The following TNFSF12 variants were observed in gnomAD, a reference collection of about 807,000 sequenced individuals.
TNFSF12 encodes the protein tumor necrosis factor ligand superfamily member 12.
A neutral mutation model predicts 31.2 loss-of-function variants in TNFSF12; 16 were observed. That is an observed-to-expected ratio of 0.51 (90% CI 0.35 to 0.78). The LOEUF (loss-of-function observed/expected upper bound fraction) is 0.78. TNFSF12 is among the 30% of genes least tolerant of loss of function. The pLI is 0.01. For synonymous variants in TNFSF12, 150 were observed against 151.4 expected, an observed-to-expected ratio of 0.99 and a Z score of 0.07; for missense variants, 324 against 338.8, an observed-to-expected ratio of 0.96 and a Z score of 0.34.
chr17:7,549,341 G>A lies in TNFSF12; in HGVS notation c.159+29G>A. The A allele has an allele frequency of 1.4e-6, 2 of 1,410,310 alleles. No homozygotes were observed. Among genetic ancestry groups the A allele is most frequent in the Admixed American group, 3.0e-5 (1 of 33,760 alleles). The allele number at this position is 1,410,310 out of a possible 1,614,324, so 87.4% of individuals were successfully genotyped here. On this transcript the variant is annotated intron_variant, in intron 1 of 6. Coordinates refer to ENST00000293825, the MANE Select transcript of TNFSF12 (RefSeq NM_003809.3). The surrounding 1 kb of genome is among the most constrained non-coding windows in gnomAD (Gnocchi z 4.1). ...AGGCCCCGCTGCGCACCCCTTCTTG[G>A]GCACATCAGGAGCTGAGACTGCAGA...
chr17:7,549,605 C>G lies in TNFSF12; in HGVS notation c.207+84C>G. 1 of 1,444,390 alleles carries G rather than the reference C, an allele frequency of 6.9e-7. No individual in the cohort carries two copies. Among genetic ancestry groups the G allele is most frequent in the Non-Finnish European group, 9.2e-7 (1 of 1,091,562 alleles). 89.5% of individuals were successfully genotyped at this position (1,444,390 alleles called of 1,614,324 possible). On this transcript the variant is annotated intron_variant, in intron 2 of 6. Coordinates refer to ENST00000293825, the MANE Select transcript of TNFSF12 (RefSeq NM_003809.3). The surrounding 1 kb of genome is among the most constrained non-coding windows in gnomAD (Gnocchi z 4.1). ...AGGCTGCAGGTGTGTGCAGCTGTGC[C>G]AGCCGTACTCGAGGTGTGTGCAGGG... is the stretch of plus-strand genomic sequence containing the variant.
chr17:7,553,211 G>A (rs2071022041), intron 5 of TNFSF12, among the ~76,000 whole-genome samples: 1 of 151,748 alleles, frequency 6.6e-6, no homozygotes, highest in Non-Finnish European at 1.5e-5. Flanking sequence ...CACCACGCCT[G>A]GCTAATTTTG....
intron 5 of TNFSF12, among the ~76,000 whole-genome samples, chr17:7,556,111 G>A (rs1355872165): frequency 6.6e-6 from 1 of 151,472 alleles, no homozygotes; most frequent in Non-Finnish European, 1.5e-5. Context: ...CTCCCATGTA[G>A]CTAGGATTAC....
intron 5 of TNFSF12, among the ~76,000 whole-genome samples, chr17:7,554,035 G>A (rs4968210): frequency 0.45 from 68,574 of 151,912 alleles, 15,848 homozygotes; most frequent in Middle Eastern, 0.63. Context: ...CTGGAGACAA[G>A]TGATATACCA....
chr17:7,551,400 C>G (rs1298345266), intron 5 of TNFSF12, among the ~76,000 whole-genome samples: 3 of 152,090 alleles, frequency 2.0e-5, no homozygotes, highest in African/African-American at 7.2e-5. Context: ...CCACTCCACA[C>G]CCTCCCTACC....
chr17:7,553,144 G>A (rs141706216), intron 5 of TNFSF12, among the ~76,000 whole-genome samples: 197 of 140,552 alleles, frequency 1.4e-3, no homozygotes, highest in African/African-American at 5.1e-3. Context: ...CCACCTCCCG[G>A]GTTCAAGCAA....
intron 5 of TNFSF12, among the ~76,000 whole-genome samples, chr17:7,554,696 T>G (rs1174561170): frequency 6.8e-6 from 1 of 147,596 alleles, no homozygotes; most frequent in African/African-American, 2.5e-5. Flanking sequence ...CTCGGCTCAC[T>G]GCAGCCTTCT....
chr17:7,554,762 C>G (rs1434387582), intron 5 of TNFSF12, among the ~76,000 whole-genome samples: 3 of 128,496 alleles, frequency 2.3e-5, no homozygotes, highest in Admixed American at 2.3e-4. Flanking sequence ...CTACAGGCGC[C>G]TGCCACCACG....
chr17:7,550,952 G>C lies in TNFSF12; in HGVS notation c.347G>C (p.Arg116Pro), dbSNP rs771459468. 6.2e-7 allele frequency: 1 copy of C among 1,614,050 alleles called. No individual in the cohort carries two copies. ...TTCCTGTACTTTACAGTTCATCCACGACCTGGACAGGACGGAGCGCAGGCA... is the reference window on the plus strand; with the variant it reads ...TTCCTGTACTTTACAGTTCATCCACCACCTGGACAGGACGGAGCGCAGGCA... Reference protein sequence around the residue: ...AIAAHYEVHPRPGQDGAQAGV... With the variant: ...AIAAHYEVHPPPGQDGAQAGV... Residue 116 changes from arginine to proline, a missense_variant, in exon 5 of 7, where the codon CGA becomes CCA. Arg to Pro is a moderately radical substitution (Grantham distance 103). Coordinates refer to ENST00000293825, the MANE Select transcript of TNFSF12 (RefSeq NM_003809.3). The surrounding 1 kb of genome is among the most constrained non-coding windows in gnomAD (Gnocchi z 4.4).
rs749853561 is a variant in TNFSF12 at position 7,550,820 on chromosome 17, G to C, written c.305G>C (p.Arg102Pro). Reference protein sequence around the residue: ...RRSAPKGRKTRARRAIAAHYE... With the variant: ...RRSAPKGRKTPARRAIAAHYE... ...TCAGCACCTAAAGGCCGGAAAACAC[G>C]GGCTCGAAGAGCGATCGCAGCCCAT... The change falls in exon 4 of 7, where the codon CGG becomes CCG. Residue 102 changes from arginine (R) to proline (P), a missense_variant. Transcript: ENST00000293825. This position sits in a 1 kb window ranked among gnomAD's most constrained non-coding sequence, Gnocchi z 4.4. 6 of 1,611,578 alleles carry C rather than the reference G, an allele frequency of 3.7e-6. No homozygotes were observed. The highest frequency in any genetic ancestry group is 1.1e-5 in the South Asian group (1 of 91,020).
intron 5 of TNFSF12, among the ~76,000 whole-genome samples, chr17:7,556,367 G>A (rs2071066151): frequency 6.6e-6 from 1 of 152,168 alleles, no homozygotes; most frequent in Admixed American, 6.6e-5. Context: ...CCATTATATG[G>A]ATAGACATTT....
rs956485432 is a variant in TNFSF12 at position 7,549,690 on chromosome 17, C to T, written c.207+169C>T. 8.7e-7 allele frequency: 1 copy of T among 1,153,824 alleles called. No homozygotes were observed. The highest frequency in any genetic ancestry group is 1.2e-6 in the Non-Finnish European group (1 of 850,856). 71.5% of individuals were successfully genotyped at this position (1,153,824 alleles called of 1,614,324 possible). On this transcript the variant is annotated intron_variant, in intron 2 of 6. Coordinates refer to ENST00000293825, the MANE Select transcript of TNFSF12 (RefSeq NM_003809.3). This position sits in a 1 kb window ranked among gnomAD's most constrained non-coding sequence, Gnocchi z 4.1. ...CTGCAGGGGTGTGTGTGCGTGGTGACAACTCTGTGTGAGGGGTTTGTGCTG... is the reference window on the plus strand; with the variant it reads ...CTGCAGGGGTGTGTGTGCGTGGTGATAACTCTGTGTGAGGGGTTTGTGCTG...
intron 5 of TNFSF12, among the ~76,000 whole-genome samples, chr17:7,552,684 C>A (rs1040286398): frequency 6.6e-6 from 1 of 151,858 alleles, no homozygotes; most frequent in African/African-American, 2.4e-5. Flanking sequence ...AAAGAAGGGC[C>A]CCACGAATGA....
chr17:7,554,491 T>C (rs1030191802), intron 5 of TNFSF12, among the ~76,000 whole-genome samples: 97 of 149,802 alleles, frequency 6.5e-4, no homozygotes, highest in Non-Finnish European at 7.7e-4. Context: ...TTTTTTTTTA[T>C]TTTTTAGTAG....
rs776728349 is a variant in TNFSF12 at position 7,556,939 on chromosome 17, A to G, written c.498+37A>G. ...CTGGCTGCATGGGTAACGCAGTAAG[A>G]GAGTGGCGAAGGGTTTGCCAGGAGA... On this transcript the variant is annotated intron_variant, in intron 6 of 6. Transcript: ENST00000293825. 2.0e-6 allele frequency: 3 copies of G among 1,510,936 alleles called. No homozygotes were observed. The African/African-American group carries it at 4.2e-5, about 21-fold the overall frequency. 93.6% of individuals were successfully genotyped at this position (1,510,936 alleles called of 1,614,324 possible). A position where few individuals can be genotyped will look rare whatever the true frequency, so the allele number is the denominator to read the frequency against.
At chr17:7,553,030 T>C in intron 5 of TNFSF12, among the ~76,000 whole-genome samples, 1 of 8,792 alleles carries the variant, frequency 1.1e-4, no homozygotes, top group Non-Finnish European at 5.1e-4. Context: ...AACCTTTTTT[T>C]TTTTTTTTTT....
intron 5 of TNFSF12, among the ~76,000 whole-genome samples, chr17:7,552,452 C>G (rs149997828): frequency 1.2e-4 from 18 of 152,130 alleles, no homozygotes; most frequent in Admixed American, 5.2e-4. Context: ...CTCAGCCTCC[C>G]AAGTAGCTGA....
At chr17:7,551,023 G>T (rs537090345) in intron 5 of TNFSF12, 45 bp downstream of exon 5, 44 of 1,611,886 alleles carry the variant, frequency 2.7e-5, no homozygotes, top group Non-Finnish European at 3.7e-5. Flanking sequence ...CTGGGAAAAG[G>T]GCCCTTGAAA....
intron 6 of TNFSF12, 58 bp downstream of exon 6, chr17:7,556,960 GGA>G (rs1171069655): frequency 6.5e-7 from 1 of 1,528,650 alleles, no homozygotes; most frequent in African/African-American, 1.4e-5. Flanking sequence ...GGGTTTGCCA[GGA>G]GAGTGGGGGA....
Sources: gnomAD v4.1 joint callset for allele counts (sites outside exome capture counted in the v4.1 genomes callset) on GRCh38, gnomAD v4.1.1 for gene constraint, Gnocchi (gnomAD v3.1) non-coding constraint, MANE v1.5 for transcripts, NCBI Gene and HGNC (gene_info 2026-07-23, HGNC 2026-07-21) for gene names.